Variants in MYPN observed in about 807,000 individuals in gnomAD.
The protein encoded by MYPN is myopalladin.
Under a neutral mutation model 129.4 loss-of-function variants are expected in MYPN, and 63 were observed. That is an observed-to-expected ratio of 0.49 (90% CI 0.40 to 0.60). MYPN has a LOEUF of 0.60. Among genes scored for constraint, MYPN ranks in the 20% least tolerant of loss-of-function variants. The pLI, the probability that MYPN is intolerant of heterozygous loss-of-function variation, is 0.00. For synonymous variants in MYPN, 629 were observed against 600.9 expected (o/e 1.05, Z -0.68); for missense variants, 1,596 against 1,635.4 (o/e 0.98, Z 0.42).
At chr10:68,100,643 G>A (rs1389642256) in intron 1 of MYPN, among the ~76,000 whole-genome samples, 2 of 152,190 alleles carry the variant, frequency 1.3e-5, no homozygotes, top group African/African-American at 4.8e-5. Context: ...TAGTAAGCCG[G>A]TTTAGAAGGA....
intron 6 of MYPN, among the ~76,000 whole-genome samples, chr10:68,152,390 G>A (rs2042786666): frequency 6.6e-6 from 1 of 152,022 alleles, no homozygotes; most frequent in Admixed American, 6.6e-5. Context: ...TCAGATGGTA[G>A]GGGGCAGGCA....
intron 6 of MYPN, chr10:68,158,261 G>A (rs2042914706): frequency 1.9e-6 from 1 of 529,926 alleles, no homozygotes; most frequent in African/African-American, 1.9e-5. Context: ...ACCAATCTTA[G>A]GTCAAGGGCA....
At chr10:68,112,822 G>T (rs2042100086) in intron 1 of MYPN, among the ~76,000 whole-genome samples, 1 of 152,140 alleles carries the variant, frequency 6.6e-6, no homozygotes, top group South Asian at 2.1e-4. Flanking sequence ...GTAAGATGGG[G>T]ATGATCACTG....
In MYPN at chr10:68,142,930, T is replaced by C; in HGVS notation, c.903-10T>C. Reference sequence around the variant, plus strand: ...AGTCATGTCCAATGACCATATCCTTTTCCCTGCAGGTGGTACTGTGAAGGC... The same window carrying C: ...AGTCATGTCCAATGACCATATCCTTCTCCCTGCAGGTGGTACTGTGAAGGC... On this transcript the variant is annotated splice_polypyrimidine_tract_variant and intron_variant, in intron 2 of 19. Transcript: ENST00000358913. 1 of 1,613,886 alleles carries C rather than the reference T, an allele frequency of 6.2e-7. No homozygotes were observed. The highest frequency in any genetic ancestry group is 8.5e-7 in the Non-Finnish European group (1 of 1,179,748).
At chr10:68,132,889 ATTAGAAGTAG>A (rs957085183) in intron 2 of MYPN, among the ~76,000 whole-genome samples, 3 of 152,190 alleles carry the variant, frequency 2.0e-5, no homozygotes, top group Non-Finnish European at 4.4e-5. Context: ...CCAAAGGCAA[ATTAGAAGTAG>A]TTTAGCAGTG....
chr10:68,200,948 A>G (rs2043699893), intron 17 of MYPN, among the ~76,000 whole-genome samples: 2 of 152,278 alleles, frequency 1.3e-5, no homozygotes, highest in South Asian at 4.1e-4. Context: ...CTATTTTGCT[A>G]AAAAATATTG....
rs138187845 is a variant in MYPN at position 68,122,328 on chromosome 10, C to T, written c.890C>T (p.Pro297Leu). The T allele has an allele frequency of 1.7e-5, 27 of 1,613,312 alleles. No homozygotes were observed. Among genetic ancestry groups the T allele is most frequent in the Non-Finnish European group, 2.2e-5 (26 of 1,179,998 alleles). ...GATTGCATAGTGGTAGGAATTCCACCACCTCAAGTAAGGTAAAAATGTCCC... is the reference window on the plus strand; with the variant it reads ...GATTGCATAGTGGTAGGAATTCCACTACCTCAAGTAAGGTAAAAATGTCCC... Reference protein sequence around the residue: ...QLDCIVVGIPPPQVRWYCEGK... With the variant: ...QLDCIVVGIPLPQVRWYCEGK... The change falls in exon 2 of 20, where the codon CCA (proline) becomes CTA (leucine). Residue 297 changes from proline (P) to leucine (L), a missense_variant. Pro to Leu is a moderately conservative substitution (Grantham distance 98). Coordinates refer to ENST00000358913, the MANE Select transcript of MYPN (RefSeq NM_032578.4).
At chr10:68,095,623 A>C (rs1358199984) in intron 1 of MYPN, among the ~76,000 whole-genome samples, 1 of 152,256 alleles carries the variant, frequency 6.6e-6, no homozygotes, top group Non-Finnish European at 1.5e-5. Context: ...TGAATAATTT[A>C]AAGAATCTTC....
At chr10:68,168,013 G>A (rs1288248738) in intron 10 of MYPN, among the ~76,000 whole-genome samples, 2 of 152,182 alleles carry the variant, frequency 1.3e-5, no homozygotes, top group African/African-American at 4.8e-5. Context: ...AGCTTGCGCG[G>A]CTGGTTCGCC....
intron 1 of MYPN, among the ~76,000 whole-genome samples, chr10:68,115,207 G>A (rs1310709232): frequency 6.7e-6 from 1 of 149,054 alleles, no homozygotes; most frequent in African/African-American, 2.5e-5. Flanking sequence ...TGCAGTGAGC[G>A]GAAATTGCAC....
upstream of MYPN, chr10:68,106,867 C>T (rs2042018339): frequency 5.6e-6 from 4 of 711,574 alleles, no homozygotes; most frequent in Non-Finnish European, 7.8e-6. Flanking sequence ...AGCACAGGAT[C>T]GTGTTCAAAC....
upstream of MYPN, among the ~76,000 whole-genome samples, chr10:68,105,128 G>T (rs1295859006): frequency 6.6e-6 from 1 of 152,092 alleles, no homozygotes. Context: ...TCACAAATAT[G>T]TTGGAAATAT....
intron 17 of MYPN, among the ~76,000 whole-genome samples, chr10:68,200,262 C>T (rs1000278256): frequency 2.0e-5 from 3 of 152,188 alleles, no homozygotes; most frequent in African/African-American, 7.2e-5. Flanking sequence ...GTGCCTGGAA[C>T]ATGGAAGGTG....
At chr10:68,193,532 G>A (rs764321092) in intron 13 of MYPN, among the ~76,000 whole-genome samples, 3 of 152,220 alleles carry the variant, frequency 2.0e-5, no homozygotes, top group African/African-American at 4.8e-5. Flanking sequence ...ATGTCATATC[G>A]TTATCACTGG....
rs2042741780 is a variant in MYPN, at chr10:68,150,068, G to A, written c.1274G>A (p.Gly425Glu). The change falls in exon 6 of 20, where the codon GGA (glycine) becomes GAA (glutamate). Residue 425 changes from glycine to glutamate, a missense_variant. Gly to Glu is a moderately conservative substitution (Grantham distance 98, BLOSUM62 -2). Coordinates refer to ENST00000358913, the MANE Select transcript of MYPN (RefSeq NM_032578.4). ...QCQSPTNYLQ[G>E]LDGKPIIAAP... ...CAGAGCCCCACCAATTACTTGCAGG[G>A]ATTGGATGGAAAACCTATCATTGCA... 6.2e-7 allele frequency: 1 copy of A among 1,613,846 alleles called. No homozygotes were observed. Among genetic ancestry groups the A allele is most frequent in the East Asian group, 2.2e-5 (1 of 44,864 alleles).
intron 12 of MYPN, among the ~76,000 whole-genome samples, chr10:68,182,312 C>T (rs61854658): frequency 0.16 from 1,952 of 12,420 alleles, 71 homozygotes; most frequent in African/African-American, 0.22. Context: ...ATAACACACA[C>T]ATATATATAA....
intron 2 of MYPN, among the ~76,000 whole-genome samples, chr10:68,141,238 G>A (rs1367124737): frequency 2.6e-5 from 4 of 152,030 alleles, no homozygotes; most frequent in Admixed American, 6.6e-5. Flanking sequence ...GCGTGGTGGT[G>A]TGCACCTGTA....
At chr10:68,127,724 G>C (rs1176154858) in intron 2 of MYPN, among the ~76,000 whole-genome samples, 1 of 152,014 alleles carries the variant, frequency 6.6e-6, no homozygotes, top group Non-Finnish European at 1.5e-5. Flanking sequence ...CTGTTTGTTC[G>C]CCACTGAAAC....
chr10:68,136,248 T>C (rs1308752454), intron 2 of MYPN: 2 of 986,974 alleles, frequency 2.0e-6, no homozygotes, highest in African/African-American at 3.5e-5. Context: ...TGGCAAGCCA[T>C]CCTTGTGCGT....
Sources: allele counts gnomAD v4.1 joint callset (sites outside exome capture counted in the v4.1 genomes callset), GRCh38; gene constraint gnomAD v4.1.1; transcripts MANE v1.5; gene names NCBI Gene and HGNC (gene_info 2026-07-23, HGNC 2026-07-21).